Variants in PTCH2 observed in about 807,000 individuals in gnomAD.
PTCH2 encodes patched 2.
PTCH2 carries 96 observed loss-of-function variants against 117.9 expected under a neutral mutation model. The observed-to-expected ratio is 0.81, with a 90% CI of 0.69 to 0.96. The LOEUF (loss-of-function observed/expected upper bound fraction) is 0.96. PTCH2 is among the 50% of genes least tolerant of loss of function. The pLI, the probability that PTCH2 is intolerant of heterozygous loss-of-function variation, is 0.00. For synonymous variants in PTCH2, 615 were observed against 660.9 expected (o/e 0.93, Z 1.06); for missense variants, 1,379 against 1,562.5 (o/e 0.88, Z 1.98).
rs755525807 is a variant in PTCH2 at position 44,829,108 on chromosome 1, C to T, written c.1372-34G>A. 19 of 1,613,510 alleles carry T rather than the reference C, an allele frequency of 1.2e-5. No homozygotes were observed. The East Asian group carries it at 1.8e-4, about 15-fold the overall frequency. On this transcript the variant is annotated intron_variant, in intron 10 of 21. Coordinates refer to ENST00000372192, the MANE Select transcript of PTCH2 (RefSeq NM_003738.5). ...GCAGAGGAGCGGGCAGCTGAGGACC[C>T]GTGAAGCCTGGTGACTGGCACTGAG...
Position 44,826,826 on chromosome 1 carries a change from A to C in PTCH2, c.2696-58T>G. 1 of 1,610,300 alleles carries C rather than the reference A, an allele frequency of 6.2e-7. No individual in the cohort carries two copies. Among genetic ancestry groups the C allele is most frequent in the Non-Finnish European group, 8.5e-7 (1 of 1,177,260 alleles). ...AGGGACAGGGCGGTGAGCACGGGGC[A>C]GAGTGGGCAGGGCCTCAGGCTCAGG... is the stretch of plus-strand genomic sequence containing the variant. On this transcript the variant is annotated intron_variant, in intron 17 of 21. Coordinates refer to ENST00000372192, the MANE Select transcript of PTCH2 (RefSeq NM_003738.5). The surrounding 1 kb of genome is among the most constrained non-coding windows in gnomAD (Gnocchi z 5.1).
intron 11 of PTCH2, 144 bp from the exon 12 acceptor site, chr1:44,828,775 G>T: frequency 2.3e-6 from 3 of 1,294,964 alleles, no homozygotes; most frequent in Non-Finnish European, 2.2e-6. Flanking sequence ...TACCATGTAC[G>T]TATGATGGGC....
Position 44,829,293 on chromosome 1 carries a change from G to A in PTCH2, c.1235C>T (p.Thr412Ile), listed in dbSNP as rs990355455. The A allele has an allele frequency of 6.2e-7, 1 of 1,613,668 alleles. No homozygotes were observed. The change falls in exon 10 of 22, where the codon ACC becomes ATC. Residue 412 changes from threonine to isoleucine, a missense_variant. Coordinates refer to ENST00000372192, the MANE Select transcript of PTCH2 (RefSeq NM_003738.5). Reference sequence around the variant, plus strand: ...CTGGGCGCAGTCCCACCGCAGCATGGTCACACAGGCATAGGCCAGCTGTGG... The same window carrying A: ...CTGGGCGCAGTCCCACCGCAGCATGATCACACAGGCATAGGCCAGCTGTGG... ...YLLMLAYACV[T>I]MLRWDCAQSQ... is the part of the protein sequence containing the mutation.
chr1:44,840,875 CAG>C (rs1173108016), intron 2 of PTCH2, among the ~76,000 whole-genome samples: 2 of 151,994 alleles, frequency 1.3e-5, no homozygotes, highest in African/African-American at 4.8e-5. Flanking sequence ...GCCTGGGTGA[CAG>C]AGTGAGATTC....
chr1:44,829,145 G>T lies in PTCH2; in HGVS notation c.1371+12C>A. ...TGACTGGCACTGAGTCTGCCCTGCA[G>T]TCCTGGCGTACCTGGGTAGTGGCAG... On this transcript the variant is annotated intron_variant, in intron 10 of 21. Coordinates refer to ENST00000372192, the MANE Select transcript of PTCH2 (RefSeq NM_003738.5). 1 of 1,613,904 alleles carries T rather than the reference G, an allele frequency of 6.2e-7. No homozygotes were observed. The highest frequency in any genetic ancestry group is 2.2e-5 in the East Asian group (1 of 44,892).
rs764888111 is a variant in PTCH2, at chr1:44,827,014, G to C, written c.2583C>G (p.Thr861=). 16 of 1,614,046 alleles carry C rather than the reference G, an allele frequency of 9.9e-6. No individual in the cohort carries two copies. The South Asian group carries it at 1.8e-4, about 18-fold the overall frequency. ...CCAGGGGGTCACTGCTCACCCACAC[G>C]GTCAGCCCCATGTAGAAGAGCTCGG... ...IPPELFYMGL[T]VWVSSDPLGL... Residue 861 remains threonine, a synonymous_variant, in exon 17 of 22, where the codon ACC becomes ACG. Coordinates refer to ENST00000372192, the MANE Select transcript of PTCH2 (RefSeq NM_003738.5).
rs1263406870 is a variant in PTCH2 at position 44,823,047 on chromosome 1, A to G, written c.3357+22T>C. 1 of 1,607,090 alleles carries G rather than the reference A, an allele frequency of 6.2e-7. No homozygotes were observed. Among genetic ancestry groups the G allele is most frequent in the South Asian group, 1.1e-5 (1 of 89,990 alleles). The stretch of plus-strand genomic sequence containing the variant: ...CGTCCCTTGGGCTGGGAGTAGAGGG[A>G]TGGTGCCGAGGGTGTGGTCACCTCT... On this transcript the variant is annotated intron_variant, in intron 21 of 21. Coordinates refer to ENST00000372192, the MANE Select transcript of PTCH2 (RefSeq NM_003738.5). The surrounding 1 kb of genome is among the most constrained non-coding windows in gnomAD (Gnocchi z 5.1).
Position 44,828,833 on chromosome 1 carries a change from C to G in PTCH2, c.1464+149G>C, listed in dbSNP as rs1653287170. 5 of 1,172,374 alleles carry G rather than the reference C, an allele frequency of 4.3e-6. No homozygotes were observed. In the South Asian group the frequency reaches 6.8e-5, roughly 16 times the overall value. The allele number at this position is 1,172,374 out of a possible 1,614,324, so 72.6% of individuals were successfully genotyped here. A position where few individuals can be genotyped will look rare whatever the true frequency, so the allele number is the denominator to read the frequency against. On this transcript the variant is annotated intron_variant, in intron 11 of 21. Transcript: ENST00000372192. ...TTACCTCACTGATCCAAACAATAAC[C>G]CTTAGGACACAGCACTATTATTTCC...
At chr1:44,834,322 C>T (rs775949286) in intron 2 of PTCH2, among the ~76,000 whole-genome samples, 2 of 152,022 alleles carry the variant, frequency 1.3e-5, no homozygotes, top group Non-Finnish European at 2.9e-5. Flanking sequence ...GGGGTTTCAC[C>T]CTGTTCGCCA....
rs1405812345 is a variant in PTCH2, at chr1:44,832,067, A to T, written c.456-23T>A. ...GACCTGCAATAGCCAGGGGCATAGGAGATCAGCAGAAGAAGGGGATTCCCA... is the reference window on the plus strand; with the variant it reads ...GACCTGCAATAGCCAGGGGCATAGGTGATCAGCAGAAGAAGGGGATTCCCA... On this transcript the variant is annotated intron_variant, in intron 3 of 21. Transcript: ENST00000372192. The T allele has an allele frequency of 8.7e-6, 14 of 1,612,440 alleles. No individual in the cohort carries two copies. The East Asian group carries it at 2.7e-4, about 31-fold the overall frequency.
chr1:44,836,608 G>A (rs1653698396), intron 2 of PTCH2, among the ~76,000 whole-genome samples: 1 of 152,092 alleles, frequency 6.6e-6, no homozygotes, highest in Non-Finnish European at 1.5e-5. Context: ...AGGAGGCTGA[G>A]GCAGAAGAAT....
At chr1:44,840,343 G>A (rs1202948900) in intron 2 of PTCH2, among the ~76,000 whole-genome samples, 3 of 149,578 alleles carry the variant, frequency 2.0e-5, no homozygotes, top group South Asian at 2.1e-4. Context: ...CCTTTGATCC[G>A]CCCGCCCCGG....
chr1:44,828,533 G>A lies in PTCH2; in HGVS notation c.1563C>T (p.Ile521=), dbSNP rs141511043. Residue 521 remains isoleucine, a synonymous_variant, in exon 12 of 22, where the codon ATC becomes ATT. Transcript: ENST00000372192. The part of the protein sequence containing the change: ...AAFLMAALVP[I]PALRAFSLQA... ...GTAGGGAGAAGGCTCGCAGCGCAGG[G>A]ATGGGAACGAGGGCAGCCATGAGGA... is the stretch of plus-strand genomic sequence containing the variant. The A allele has an allele frequency of 1.1e-5, 18 of 1,614,026 alleles. No individual in the cohort carries two copies. In the African/African-American group the frequency reaches 2.3e-4, roughly 20 times the overall value.
At chr1:44,827,761 C>T in intron 14 of PTCH2, 47 bp from the exon 15 acceptor site, 1 of 1,611,594 alleles carries the variant, frequency 6.2e-7, no homozygotes, top group Non-Finnish European at 8.5e-7. Flanking sequence ...CTGCCCCCAG[C>T]CCCTCAGGCA....
chr1:44,821,403 C>T (rs1433752893), downstream of PTCH2, among the ~76,000 whole-genome samples: 3 of 152,362 alleles, frequency 2.0e-5, no homozygotes, highest in East Asian at 5.8e-4. Context: ...GGACAACCAA[C>T]TTACAGAGGC....
rs779079618 is a variant in PTCH2, at chr1:44,826,628, G to A, written c.2836C>T (p.Pro946Ser). ...CAGAAGAGGAAGGGGGAGCCGCTGG[G>A]GTAGGCGTGCACCCCAGCCTGGCCG... Reference protein sequence around the residue: ...EAGQAGVHAYPSGSPFLFWEQ... With the variant: ...EAGQAGVHAYSSGSPFLFWEQ... The change falls in exon 18 of 22, where the codon CCC becomes TCC. Residue 946 changes from proline (P) to serine (S), a missense_variant. Pro to Ser is a moderately conservative substitution (Grantham distance 74, BLOSUM62 -1). Coordinates refer to ENST00000372192, the MANE Select transcript of PTCH2 (RefSeq NM_003738.5). This position sits in a 1 kb window ranked among gnomAD's most constrained non-coding sequence, Gnocchi z 5.1. The A allele has an allele frequency of 2.5e-6, 4 of 1,613,038 alleles. No individual in the cohort carries two copies. The highest frequency in any genetic ancestry group is 2.2e-5 in the South Asian group (2 of 91,070).
rs1268729354 is a variant in PTCH2, at chr1:44,827,832, C to T, written c.2058+11G>A. On this transcript the variant is annotated intron_variant, in intron 14 of 21. Coordinates refer to ENST00000372192, the MANE Select transcript of PTCH2 (RefSeq NM_003738.5). ...GATGCTAAGTCTCTGCCCTGCTCTGCCCAGTCTTACCTTAGCATGTGACTG... is the reference window on the plus strand; with the variant it reads ...GATGCTAAGTCTCTGCCCTGCTCTGTCCAGTCTTACCTTAGCATGTGACTG... The T allele has an allele frequency of 1.2e-6, 2 of 1,613,942 alleles. No individual in the cohort carries two copies. The highest frequency in any genetic ancestry group is 3.3e-5 in the Admixed American group (2 of 60,034).
rs1653445848 is a variant in PTCH2, at chr1:44,831,545, A to T, written c.617+161T>A. 6.6e-6 allele frequency among the ~76,000 whole-genome samples: 1 copy of T among 152,148 alleles called. No homozygotes were observed. The highest frequency in any genetic ancestry group is 1.5e-5 in the Non-Finnish European group (1 of 68,030). On this transcript the variant is annotated intron_variant, in intron 5 of 21. Transcript: ENST00000372192. The surrounding 1 kb of genome is among the most constrained non-coding windows in gnomAD (Gnocchi z 4.3). ...TCCTTGAGAGGGAAAGAGAAGGAGGATGTGGAGAGAGCCTTGGGGAAGCCC... is the reference window on the plus strand; with the variant it reads ...TCCTTGAGAGGGAAAGAGAAGGAGGTTGTGGAGAGAGCCTTGGGGAAGCCC...
chr1:44,837,553 C>T (rs1318976095), intron 2 of PTCH2, among the ~76,000 whole-genome samples: 2 of 151,946 alleles, frequency 1.3e-5, no homozygotes, highest in Admixed American at 1.3e-4. Context: ...CTGTGCCTGG[C>T]CTTATTTTAT....
Sources: allele counts gnomAD v4.1 joint callset (sites outside exome capture counted in the v4.1 genomes callset), GRCh38; gene constraint gnomAD v4.1.1; non-coding constraint Gnocchi (gnomAD v3.1); transcripts MANE v1.5; gene names NCBI Gene and HGNC (gene_info 2026-07-23, HGNC 2026-07-21).